The following CEP128 variants were observed in gnomAD, a reference collection of about 807,000 sequenced individuals.
CEP128 encodes the protein centrosomal protein 128kDa.
CEP128 carries 132 observed loss-of-function variants against 156.7 expected under a neutral mutation model. That is an observed-to-expected ratio of 0.84 (90% confidence interval 0.73 to 0.97). The LOEUF is 0.97. CEP128 is among the 50% of genes least tolerant of loss of function. CEP128 has a pLI of 0.00. For missense variants in CEP128, 1,252 were observed against 1,281.9 expected (o/e 0.98, Z 0.36); for synonymous variants, 469 against 448.9 (o/e 1.04, Z -0.57).
At chr14:80,881,590 T>C (rs1888555939) in intron 8 of CEP128, among the ~76,000 whole-genome samples, 1 of 152,146 alleles carries the variant, frequency 6.6e-6, no homozygotes, top group African/African-American at 2.4e-5. Flanking sequence ...CAGTATTATC[T>C]TAATACCAAA....
In CEP128 at chr14:80,764,327, T is replaced by C. The variant is rs1199342964; in HGVS notation, c.2377-2714A>G. Among the ~76,000 whole-genome samples, 3 of 150,404 alleles carry C rather than the reference T, an allele frequency of 2.0e-5. No homozygotes were observed. The East Asian group carries it at 5.9e-4, about 29-fold the overall frequency. The stretch of plus-strand genomic sequence containing the variant: ...TCCTGGCTAACAAGGTGAAACCCCG[T>C]CTCTACTAAAAATACAAAAAAATTA... On this transcript the variant is annotated intron_variant, in intron 16 of 24. Coordinates refer to ENST00000555265, the MANE Select transcript of CEP128 (RefSeq NM_152446.5).
At chr14:80,832,911 T>A (rs1885881606) in intron 12 of CEP128, among the ~76,000 whole-genome samples, 1 of 152,178 alleles carries the variant, frequency 6.6e-6, no homozygotes, top group Non-Finnish European at 1.5e-5. Flanking sequence ...CTATAAAGGA[T>A]CAGATAATAA....
At chr14:80,802,909 C>A (rs1883961953) in intron 13 of CEP128, among the ~76,000 whole-genome samples, 2 of 152,142 alleles carry the variant, frequency 1.3e-5, no homozygotes, top group Non-Finnish European at 2.9e-5. Flanking sequence ...CAATTCTTTT[C>A]TCATCTGAAT....
At chr14:80,485,758 T>G (rs780444623), downstream of CEP128, among the ~76,000 whole-genome samples, 2 of 152,130 alleles carry the variant, frequency 1.3e-5, no homozygotes, top group Admixed American at 6.5e-5. Flanking sequence ...TTTTCTCGAG[T>G]GGAAGGCCAC....
At chr14:80,955,198 C>T (rs1441380178) in intron 2 of CEP128, 1 of 238,930 alleles carries the variant, frequency 4.2e-6, no homozygotes, top group Non-Finnish European at 8.4e-6. Flanking sequence ...GGGACTTTCT[C>T]TGGATAAGGA....
intron 1 of CEP128, among the ~76,000 whole-genome samples, chr14:80,940,745 CTAAA>C (rs1886106711): frequency 6.6e-6 from 1 of 151,862 alleles, no homozygotes; most frequent in South Asian, 2.1e-4. Context: ...CTATATTGCG[CTAAA>C]TAAACTATTA....
At chr14:80,939,253 A>G (rs1304626931) in intron 2 of CEP128, 132 bp downstream of exon 2, 4 of 152,120 alleles carry the variant, frequency 2.6e-5, no homozygotes, top group Admixed American at 6.5e-5. Context: ...CAATCATTCG[A>G]TATTTTATTT....
chr14:80,498,555 C>T (rs1028793614), intron 24 of CEP128, among the ~76,000 whole-genome samples: 1 of 152,102 alleles, frequency 6.6e-6, no homozygotes, highest in African/African-American at 2.4e-5. Context: ...GTACTTTTTG[C>T]CCCTACTATC....
At chr14:80,559,329 A>G in intron 20 of CEP128, 27 bp from the exon 21 acceptor site, 1 of 1,573,294 alleles carries the variant, frequency 6.4e-7, no homozygotes. Context: ...ATATATAATT[A>G]TAAAACGAAG....
chr14:80,500,731 T>C (rs1178275730), intron 24 of CEP128, among the ~76,000 whole-genome samples: 2 of 152,340 alleles, frequency 1.3e-5, no homozygotes, highest in East Asian at 3.9e-4. Context: ...GAGAAGCCTA[T>C]ATTGCTATTT....
intron 19 of CEP128, among the ~76,000 whole-genome samples, chr14:80,654,269 C>T (rs781723596): frequency 6.6e-5 from 10 of 151,790 alleles, no homozygotes; most frequent in South Asian, 6.2e-4. Flanking sequence ...CATGTGGCCA[C>T]GAAGAATACA....
chr14:80,845,330 A>C (rs886617251), intron 9 of CEP128, among the ~76,000 whole-genome samples: 6 of 152,284 alleles, frequency 3.9e-5, no homozygotes, highest in Non-Finnish European at 7.4e-5. Flanking sequence ...TTTTTATGCA[A>C]TCTTTTACTT....
intron 9 of CEP128, among the ~76,000 whole-genome samples, chr14:80,844,630 A>C (rs927036666): frequency 1.3e-5 from 2 of 152,166 alleles, no homozygotes; most frequent in Non-Finnish European, 2.9e-5. Flanking sequence ...AGGATTGATC[A>C]TATGTTAAAT....
At chr14:80,501,920 C>G (rs1022536339) in intron 24 of CEP128, among the ~76,000 whole-genome samples, 3 of 152,092 alleles carry the variant, frequency 2.0e-5, no homozygotes, top group Non-Finnish European at 4.4e-5. Context: ...GTCAGTTTAT[C>G]ATTGCCACGG....
intron 19 of CEP128, among the ~76,000 whole-genome samples, chr14:80,727,055 C>A (rs192981790): frequency 1.8e-3 from 279 of 152,216 alleles, no homozygotes; most frequent in Non-Finnish European, 3.3e-3. Context: ...GTCACCTGAA[C>A]ATGGTTATGG....
At chr14:80,627,091 C>T (rs1351582335) in intron 19 of CEP128, among the ~76,000 whole-genome samples, 1 of 152,178 alleles carries the variant, frequency 6.6e-6, no homozygotes, top group Non-Finnish European at 1.5e-5. Context: ...CACATGGGTA[C>T]ATGGAGATTC....
At chr14:80,787,913 T>G (rs2139820516) in intron 14 of CEP128, among the ~76,000 whole-genome samples, 1 of 152,270 alleles carries the variant, frequency 6.6e-6, no homozygotes, top group East Asian at 1.9e-4. Flanking sequence ...TCAAGAAGAA[T>G]CCCTCAAAGC....
At chr14:80,606,277 G>T (rs1892775490) in intron 19 of CEP128, among the ~76,000 whole-genome samples, 1 of 152,062 alleles carries the variant, frequency 6.6e-6, no homozygotes, top group African/African-American at 2.4e-5. Flanking sequence ...TCCTATTAGA[G>T]TTGACCATTA....
chr14:80,505,478 T>G (rs776982338), intron 23 of CEP128, among the ~76,000 whole-genome samples: 80 of 152,208 alleles, frequency 5.3e-4, no homozygotes, highest in Non-Finnish European at 1.0e-3. Context: ...ACTTATAACC[T>G]TTTCCATATT....
Sources: allele counts gnomAD v4.1 joint callset (sites outside exome capture counted in the v4.1 genomes callset), GRCh38; gene constraint gnomAD v4.1.1; transcripts MANE v1.5; gene names NCBI Gene and HGNC (gene_info 2026-07-23, HGNC 2026-07-21).